Variants in NSMCE2 observed in about 807,000 individuals in gnomAD.
NSMCE2 encodes NSE2 SUMO ligase component of SMC5/6 complex.
NSMCE2 carries 24 observed loss-of-function variants against 23.8 expected under a neutral mutation model. The ratio of observed to expected loss-of-function variants is 1.01; its 90% CI spans 0.73 to 1.42. The LOEUF (loss-of-function observed/expected upper bound fraction) is 1.42, where lower values mean the gene tolerates loss of function less well. NSMCE2 is among the 40% of genes most tolerant of loss of function. The pLI, the probability that NSMCE2 is intolerant of heterozygous loss-of-function variation, is 0.00. For missense variants in NSMCE2, 284 were observed against 296.5 expected (o/e 0.96, Z 0.31); for synonymous variants, 92 against 94.1 (o/e 0.98, Z 0.13).
chr8:125,123,032 A>C (rs573636165), intron 3 of NSMCE2, among the ~76,000 whole-genome samples: 9 of 152,360 alleles, frequency 5.9e-5, no homozygotes, highest in African/African-American at 2.2e-4. Context: ...TTTAAAGGCT[A>C]AGAATGGGTT....
chr8:125,196,218 T>TA (rs1823611057), intron 5 of NSMCE2, among the ~76,000 whole-genome samples: 2 of 151,158 alleles, frequency 1.3e-5, no homozygotes, highest in Admixed American at 6.6e-5. Flanking sequence ...TTTTTTTTTT[T>TA]ATACTTTAAG....
Position 125,208,037 on chromosome 8 carries a change from G to T in NSMCE2, c.418+25781G>T, listed in dbSNP as rs566595830. ...TGGGAGGGTGGTAGAAAATACTGTGGCCAGATTGTCAGTCAGCCATCCAGC... is the reference window on the plus strand; with the variant it reads ...TGGGAGGGTGGTAGAAAATACTGTGTCCAGATTGTCAGTCAGCCATCCAGC... On this transcript the variant is annotated intron_variant, in intron 5 of 7. Transcript: ENST00000287437. Among the ~76,000 whole-genome samples the T allele has an allele frequency of 2.6e-5, 4 of 152,276 alleles. No individual in the cohort carries two copies. The South Asian group carries it at 8.3e-4, about 32-fold the overall frequency.
intron 5 of NSMCE2, among the ~76,000 whole-genome samples, chr8:125,196,483 A>C (rs940304341): frequency 6.6e-6 from 1 of 152,044 alleles, no homozygotes; most frequent in Non-Finnish European, 1.5e-5. Flanking sequence ...ATAGTTTCCC[A>C]AGAATGATGG....
At chr8:125,129,971 A>C (rs1355905384) in intron 3 of NSMCE2, among the ~76,000 whole-genome samples, 2 of 152,172 alleles carry the variant, frequency 1.3e-5, no homozygotes, top group Non-Finnish European at 2.9e-5. Flanking sequence ...GACTAAACTA[A>C]ATAGTAAGCT....
intron 5 of NSMCE2, among the ~76,000 whole-genome samples, chr8:125,183,344 A>C (rs567382354): frequency 6.6e-6 from 1 of 152,240 alleles, no homozygotes; most frequent in Admixed American, 6.5e-5. Flanking sequence ...AATCATGATG[A>C]GACTTTTGTT....
intron 5 of NSMCE2, among the ~76,000 whole-genome samples, chr8:125,236,617 A>T (rs1295107493): frequency 6.6e-6 from 1 of 152,194 alleles, no homozygotes; most frequent in African/African-American, 2.4e-5. Context: ...CAGGAAGGGC[A>T]TGGGGAAGGA....
intron 5 of NSMCE2, among the ~76,000 whole-genome samples, chr8:125,199,064 A>G (rs906075054): frequency 1.3e-5 from 2 of 151,880 alleles, no homozygotes; most frequent in Non-Finnish European, 2.9e-5. Flanking sequence ...TTGCGTCTGT[A>G]TGATTCCTCT....
At chr8:125,198,760 T>C (rs1283672882) in intron 5 of NSMCE2, among the ~76,000 whole-genome samples, 1 of 152,232 alleles carries the variant, frequency 6.6e-6, no homozygotes, top group Non-Finnish European at 1.5e-5. Context: ...TCAGAAGGAA[T>C]GGTACCAGCT....
intron 4 of NSMCE2, among the ~76,000 whole-genome samples, chr8:125,155,389 C>T (rs1821255090): frequency 6.6e-6 from 1 of 152,142 alleles, no homozygotes; most frequent in African/African-American, 2.4e-5. Flanking sequence ...GTGCCTTAAT[C>T]AATCCAAAGA....
At chr8:125,243,150 A>G (rs987901161) in intron 5 of NSMCE2, among the ~76,000 whole-genome samples, 1 of 152,206 alleles carries the variant, frequency 6.6e-6, no homozygotes, top group African/African-American at 2.4e-5. Flanking sequence ...GATGCAGTTG[A>G]GGGGAGACAG....
intron 5 of NSMCE2, among the ~76,000 whole-genome samples, chr8:125,319,220 A>G (rs1372100423): frequency 6.6e-6 from 1 of 152,226 alleles, no homozygotes; most frequent in Non-Finnish European, 1.5e-5. Context: ...ACCCAAAAGC[A>G]TCAAACTGTT....
intron 3 of NSMCE2, among the ~76,000 whole-genome samples, chr8:125,111,338 G>C (rs1818737333): frequency 6.6e-6 from 1 of 152,072 alleles, no homozygotes; most frequent in Non-Finnish European, 1.5e-5. Context: ...GGGTGCTTTG[G>C]GGGTAAGATT....
chr8:125,280,142 AGAT>A (rs1260211327), intron 5 of NSMCE2, among the ~76,000 whole-genome samples: 1 of 152,216 alleles, frequency 6.6e-6, no homozygotes, highest in Non-Finnish European at 1.5e-5. Flanking sequence ...CAAATGGAAA[AGAT>A]GATTTTTTAA....
rs1054211066 is a variant in NSMCE2 at position 125,241,075 on chromosome 8, C to T, written c.418+58819C>T. ...TTTTGGAATATTGGCACTATTCTTACGGGTTGAATATCCCTAATCTGAAAA... is the reference window on the plus strand; with the variant it reads ...TTTTGGAATATTGGCACTATTCTTATGGGTTGAATATCCCTAATCTGAAAA... On this transcript the variant is annotated intron_variant, in intron 5 of 7. Transcript: ENST00000287437. Among the ~76,000 whole-genome samples the T allele has an allele frequency of 4.6e-5, 7 of 152,258 alleles. No homozygotes were observed. In the South Asian group the frequency reaches 6.2e-4, roughly 14 times the overall value.
At chr8:125,153,968 A>T (rs180943441) in intron 4 of NSMCE2, among the ~76,000 whole-genome samples, 1 of 152,316 alleles carries the variant, frequency 6.6e-6, no homozygotes, top group East Asian at 1.9e-4. Context: ...TATAGGATTA[A>T]GTATAGGCTA....
At chr8:125,287,938 G>A (rs1429105616) in intron 5 of NSMCE2, among the ~76,000 whole-genome samples, 1 of 151,338 alleles carries the variant, frequency 6.6e-6, no homozygotes, top group African/African-American at 2.4e-5. Flanking sequence ...CCCTTGTGCG[G>A]GATCCTTCTC....
chr8:125,226,570 T>TCCG (rs1234124629), intron 5 of NSMCE2, among the ~76,000 whole-genome samples: 1 of 152,124 alleles, frequency 6.6e-6, no homozygotes, highest in Non-Finnish European at 1.5e-5. Context: ...GCTCAGGCCT[T>TCCG]GTGATCCACT....
chr8:125,172,134 G>C (rs1438807179), intron 4 of NSMCE2, among the ~76,000 whole-genome samples: 1 of 152,120 alleles, frequency 6.6e-6, no homozygotes, highest in East Asian at 1.9e-4. Context: ...CTAATACAAG[G>C]CAGAACTGGG....
chr8:125,100,354 A>C (rs1169632456), intron 1 of NSMCE2, among the ~76,000 whole-genome samples: 3 of 152,030 alleles, frequency 2.0e-5, no homozygotes, highest in African/African-American at 7.3e-5. Flanking sequence ...GCCCTTCTCC[A>C]TTACCCTTCC....
Sources: allele counts gnomAD v4.1 joint callset (sites outside exome capture counted in the v4.1 genomes callset), GRCh38; gene constraint gnomAD v4.1.1; transcripts MANE v1.5; gene names NCBI Gene and HGNC (gene_info 2026-07-23, HGNC 2026-07-21).